Variants in WBP1L observed in about 807,000 individuals in gnomAD.
The protein encoded by WBP1L is WW domain binding protein 1-like.
A neutral mutation model predicts 33.7 loss-of-function variants in WBP1L; 17 were observed. That is an observed-to-expected ratio of 0.50 (90% confidence interval 0.34 to 0.76). The LOEUF (loss-of-function observed/expected upper bound fraction) is 0.76, where lower values mean the gene tolerates loss of function less well. Ranked by LOEUF, WBP1L falls within the 30% of genes least tolerant of loss-of-function variation. WBP1L has a pLI of 0.01. For synonymous variants in WBP1L, 173 were observed against 190.8 expected (o/e 0.91, Z 0.77); for missense variants, 389 against 469.4 (o/e 0.83, Z 1.58).
At chr10:102,790,581 G>GTTCA (rs1843481884) in intron 1 of WBP1L, among the ~76,000 whole-genome samples, 1 of 152,028 alleles carries the variant, frequency 6.6e-6, no homozygotes, top group African/African-American at 2.4e-5. Context: ...TGCAATCTCG[G>GTTCA]CTCACTGCAA....
In WBP1L at chr10:102,769,398, A is replaced by G. The variant is rs112652121; in HGVS notation, c.90+25255A>G. Among the ~76,000 whole-genome samples, 392 of 146,850 alleles carry G rather than the reference A, an allele frequency of 2.7e-3. 1 individual carries two copies. The highest frequency in any genetic ancestry group is 9.1e-3 in the African/African-American group (357 of 39,374). On this transcript the variant is annotated intron_variant, in intron 1 of 3. Transcript: ENST00000448841. ...TTACTGGAAGCTGAGAGGATCATCC[A>G]GCATCTCTTCTTTGAGCTCCTCTTG...
chr10:102,798,224 A>T (rs1590188468), intron 2 of WBP1L, 129 bp downstream of exon 2: 2 of 728,460 alleles, frequency 2.7e-6, no homozygotes, highest in South Asian at 3.5e-5. Context: ...GAATCTGTTT[A>T]TGGGTTCCAG....
At position 102,813,808 on chromosome 10, in the gene WBP1L, A is replaced by G. The variant is rs1367501762; in HGVS notation, c.*477A>G. 1 of 159,968 alleles carries G rather than the reference A, an allele frequency of 6.3e-6. No individual in the cohort carries two copies. Among genetic ancestry groups the G allele is most frequent in the Non-Finnish European group, 1.4e-5 (1 of 72,680 alleles). 9.9% of individuals were successfully genotyped at this position (159,968 alleles called of 1,614,324 possible). A position where few individuals can be genotyped will look rare whatever the true frequency, so the allele number is the denominator to read the frequency against. On this transcript the variant is annotated 3_prime_UTR_variant, in exon 4 of 4. Coordinates refer to ENST00000448841, the MANE Select transcript of WBP1L (RefSeq NM_001083913.2). ...TGAAGAAGGAAACCCACAGAGGCCC[A>G]GGGCTTGTCATTGGGCTGCCAGTGT...
intron 1 of WBP1L, among the ~76,000 whole-genome samples, chr10:102,792,884 C>G (rs778823659): frequency 1.3e-5 from 2 of 152,054 alleles, no homozygotes; most frequent in African/African-American, 4.8e-5. Flanking sequence ...CGTGAGCCAC[C>G]GCGCCGCCTA....
chr10:102,756,806 C>T (rs557161654), intron 1 of WBP1L, among the ~76,000 whole-genome samples: 3 of 152,052 alleles, frequency 2.0e-5, no homozygotes, highest in East Asian at 2.0e-4. Flanking sequence ...CACTGGCTCA[C>T]GCCTGTAATC....
intron 1 of WBP1L, among the ~76,000 whole-genome samples, chr10:102,764,063 C>T (rs1457163545): frequency 6.6e-6 from 1 of 152,206 alleles, no homozygotes; most frequent in East Asian, 1.9e-4. Context: ...ATCCGCCTGC[C>T]TCGGCCTCCC....
chr10:102,771,482 A>G (rs1843185682), intron 1 of WBP1L, among the ~76,000 whole-genome samples: 1 of 152,190 alleles, frequency 6.6e-6, no homozygotes, highest in South Asian at 2.1e-4. Context: ...AGCCTGGGCA[A>G]CATAGGAAGC....
chr10:102,744,028 G>T lies in WBP1L; in HGVS notation c.-26G>T, dbSNP rs1290119682. 3.9e-6 allele frequency: 6 copies of T among 1,524,284 alleles called. No individual in the cohort carries two copies. Among genetic ancestry groups the T allele is most frequent in the Non-Finnish European group, 5.3e-6 (6 of 1,125,238 alleles). 94.4% of individuals were successfully genotyped at this position (1,524,284 alleles called of 1,614,324 possible). A position where few individuals can be genotyped will look rare whatever the true frequency, so the allele number is the denominator to read the frequency against. On this transcript the variant is annotated 5_prime_UTR_variant, in exon 1 of 4. Transcript: ENST00000448841. Reference sequence around the variant, plus strand: ...AGGAGGAGGGAGGTGGCGGCGCCGTGGCGGAGGAGCAGGAGCAGGAGGGGG... The same window carrying T: ...AGGAGGAGGGAGGTGGCGGCGCCGTTGCGGAGGAGCAGGAGCAGGAGGGGG...
At chr10:102,795,056 G>A (rs959681052) in intron 1 of WBP1L, among the ~76,000 whole-genome samples, 11 of 152,136 alleles carry the variant, frequency 7.2e-5, no homozygotes, top group African/African-American at 2.7e-4. Flanking sequence ...ACTTGTGATG[G>A]TTCAACTTAG....
chr10:102,744,466 G>A (rs939342623), intron 1 of WBP1L: 205 of 985,252 alleles, frequency 2.1e-4, no homozygotes, highest in African/African-American at 1.2e-3. Context: ...TCCCTCTGTG[G>A]AGCAGGTGTC....
At chr10:102,806,500 C>T (rs996245897) in intron 2 of WBP1L, among the ~76,000 whole-genome samples, 4 of 152,126 alleles carry the variant, frequency 2.6e-5, no homozygotes, top group Non-Finnish European at 4.4e-5. Flanking sequence ...GTTCCTCTGC[C>T]AGTGTCTACT....
intron 1 of WBP1L, among the ~76,000 whole-genome samples, chr10:102,766,441 CAAA>C (rs56812691): frequency 5.2e-5 from 3 of 57,458 alleles, no homozygotes; most frequent in African/African-American, 7.4e-5. Flanking sequence ...AACTCTGTCT[CAAA>C]AAAAAAAAAA....
At chr10:102,787,638 A>G (rs1385531211) in intron 1 of WBP1L, among the ~76,000 whole-genome samples, 1 of 152,098 alleles carries the variant, frequency 6.6e-6, no homozygotes, top group Non-Finnish European at 1.5e-5. Flanking sequence ...ATGGGAAGCA[A>G]TAGGCCAGGA....
At chr10:102,784,139 G>A (rs148263277) in intron 1 of WBP1L, among the ~76,000 whole-genome samples, 2 of 152,026 alleles carry the variant, frequency 1.3e-5, no homozygotes, top group African/African-American at 2.4e-5. Context: ...TGGAACTGAC[G>A]TTTCATCCCT....
intron 1 of WBP1L, among the ~76,000 whole-genome samples, chr10:102,793,912 G>A (rs1198857437): frequency 6.6e-6 from 1 of 152,096 alleles, no homozygotes; most frequent in Non-Finnish European, 1.5e-5. Context: ...GGGACTACAG[G>A]TGTGCAACAT....
At chr10:102,797,073 C>A (rs1013514867) in intron 1 of WBP1L, among the ~76,000 whole-genome samples, 1 of 152,202 alleles carries the variant, frequency 6.6e-6, no homozygotes, top group East Asian at 1.9e-4. Flanking sequence ...CAAAAATGAT[C>A]TAGCAGATTG....
intron 2 of WBP1L, among the ~76,000 whole-genome samples, chr10:102,808,052 G>A (rs1479739940): frequency 6.6e-6 from 1 of 151,984 alleles, no homozygotes; most frequent in Non-Finnish European, 1.5e-5. Context: ...GGTGGCATAT[G>A]CTTGTAGTCC....
chr10:102,811,019 GTCAGATAA>G (rs1210579636), intron 3 of WBP1L, among the ~76,000 whole-genome samples: 1 of 150,310 alleles, frequency 6.7e-6, no homozygotes, highest in East Asian at 1.9e-4. Flanking sequence ...ATGGCAGATA[GTCAGATAA>G]TAGAACAATA....
Position 102,810,778 on chromosome 10 carries a change from G to A in WBP1L, c.355+724G>A, listed in dbSNP as rs184652338. Among the ~76,000 whole-genome samples the A allele has an allele frequency of 1.0e-3, 154 of 151,712 alleles. 1 individual carries two copies. Among genetic ancestry groups the A allele is most frequent in the Non-Finnish European group, 5.3e-4 (36 of 67,916 alleles). On this transcript the variant is annotated intron_variant, in intron 3 of 3. Transcript: ENST00000448841. ...GACAGGGTTTCTCCATGTTGGTCAG[G>A]CTGGCCTCGAACTCCTGACCTCAAG...
Sources: allele counts gnomAD v4.1 joint callset (sites outside exome capture counted in the v4.1 genomes callset), GRCh38; gene constraint gnomAD v4.1.1; transcripts MANE v1.5; gene names NCBI Gene and HGNC (gene_info 2026-07-23, HGNC 2026-07-21).